The following NELL1 variants were observed in gnomAD, a reference collection of about 807,000 sequenced individuals.
NELL1 encodes the protein neural EGFL like 1, also known as protein kinase C-binding protein NELL1.
Under a neutral mutation model 107.4 loss-of-function variants are expected in NELL1, and 76 were observed. That is an observed-to-expected ratio of 0.71 (90% CI 0.59 to 0.86). NELL1 has a LOEUF of 0.86. NELL1 is among the 40% of genes least tolerant of loss of function. The pLI is 0.00. For synonymous variants in NELL1, 353 were observed against 341.2 expected, an observed-to-expected ratio of 1.03 and a Z score of -0.38; for missense variants, 1,024 against 1,005.5, an observed-to-expected ratio of 1.02 and a Z score of -0.25.
chr11:21,229,328 A>G lies in NELL1; in HGVS notation c.1427-4A>G, dbSNP rs1186397769. ...TTTCTCTTTTTCTCTCACCCTGGAA[A>G]CAGAACACGATGAATGTGGCAGCGG... On this transcript the variant is annotated splice_polypyrimidine_tract_variant and splice_region_variant and intron_variant, in intron 13 of 19. Transcript: ENST00000357134. 6 of 1,613,684 alleles carry G rather than the reference A, an allele frequency of 3.7e-6. No individual in the cohort carries two copies. Among genetic ancestry groups the G allele is most frequent in the Non-Finnish European group, 5.1e-6 (6 of 1,179,824 alleles).
At position 21,349,463 on chromosome 11, in the gene NELL1, G is replaced by A. The variant is rs180757388; in HGVS notation, c.1550-21390G>A. Among the ~76,000 whole-genome samples the A allele has an allele frequency of 7.9e-4, 120 of 152,202 alleles. 1 individual carries two copies. The highest frequency in any genetic ancestry group is 2.8e-3 in the African/African-American group (117 of 41,556). ...AAAAAAGACTTTGCTGAAAACCCCA[G>A]AAAATGGTTTTGAAAATTCATGGTG... On this transcript the variant is annotated intron_variant, in intron 14 of 19. Coordinates refer to ENST00000357134, the MANE Select transcript of NELL1 (RefSeq NM_006157.5).
intron 15 of NELL1, among the ~76,000 whole-genome samples, chr11:21,500,449 T>A (rs752552990): frequency 6.6e-6 from 1 of 152,120 alleles, no homozygotes; most frequent in African/African-American, 2.4e-5. Flanking sequence ...TAGCTCTCCG[T>A]GCAAGATGTG....
At chr11:21,529,173 A>C (rs1564943201) in intron 15 of NELL1, among the ~76,000 whole-genome samples, 1 of 152,146 alleles carries the variant, frequency 6.6e-6, no homozygotes, top group South Asian at 2.1e-4. Context: ...AGGCAGAAAA[A>C]TGTTGTACTA....
intron 15 of NELL1, among the ~76,000 whole-genome samples, chr11:21,484,989 G>C (rs537396381): frequency 6.6e-6 from 1 of 152,110 alleles, no homozygotes; most frequent in Non-Finnish European, 1.5e-5. Context: ...CAGGCTGGTT[G>C]GCCAGGACTG....
intron 2 of NELL1, among the ~76,000 whole-genome samples, chr11:20,731,081 G>T (rs1486407297): frequency 5.0e-4 from 23 of 46,290 alleles, no homozygotes; most frequent in Non-Finnish European, 5.4e-5. Flanking sequence ...TATGAGTCAG[G>T]ATTCTATGAT....
chr11:21,097,676 G>C (rs911613505), intron 12 of NELL1, among the ~76,000 whole-genome samples: 1 of 152,102 alleles, frequency 6.6e-6, no homozygotes, highest in Non-Finnish European at 1.5e-5. Flanking sequence ...GCAACTAGGG[G>C]CAAGGAAGAA....
chr11:21,330,365 T>G (rs186380252), intron 14 of NELL1, among the ~76,000 whole-genome samples: 119 of 152,236 alleles, frequency 7.8e-4, no homozygotes, highest in Middle Eastern at 3.4e-3. Flanking sequence ...TGGGGGTCAG[T>G]TGGTTTTAGA....
chr11:21,438,161 C>A (rs1295241597), intron 15 of NELL1, among the ~76,000 whole-genome samples: 1 of 152,066 alleles, frequency 6.6e-6, no homozygotes, highest in African/African-American at 2.4e-5. Flanking sequence ...TAGTGCCACT[C>A]TATTGATAAT....
chr11:21,514,587 GT>G lies in NELL1; in HGVS notation c.1646-19779del, dbSNP rs1050982324. On this transcript the variant is annotated intron_variant, in intron 15 of 19. Coordinates refer to ENST00000357134, the MANE Select transcript of NELL1 (RefSeq NM_006157.5). ...AGGTTGCCAGATTAATCTCTTTTTTGTTTTTTTTAGAGATGCCAGGCATCCA... is the reference window on the plus strand; with the variant it reads ...AGGTTGCCAGATTAATCTCTTTTTTGTTTTTTTAGAGATGCCAGGCATCCA... Among the ~76,000 whole-genome samples, 4 of 151,940 alleles carry G rather than the reference GT, an allele frequency of 2.6e-5. No homozygotes were observed. In the East Asian group the frequency reaches 5.8e-4, roughly 22 times the overall value.
At chr11:20,844,484 A>G (rs912361037) in intron 3 of NELL1, among the ~76,000 whole-genome samples, 2 of 152,144 alleles carry the variant, frequency 1.3e-5, no homozygotes, top group Admixed American at 6.5e-5. Flanking sequence ...TTTATCATTT[A>G]TACAGCTGCC....
intron 12 of NELL1, among the ~76,000 whole-genome samples, chr11:21,029,501 G>A (rs750121781): frequency 9.2e-5 from 14 of 151,874 alleles, no homozygotes; most frequent in Non-Finnish European, 1.5e-4. Flanking sequence ...CACCACCACC[G>A]TCACCATCAC....
At chr11:21,042,682 G>C (rs1853264845) in intron 12 of NELL1, among the ~76,000 whole-genome samples, 2 of 152,206 alleles carry the variant, frequency 1.3e-5, no homozygotes, top group South Asian at 4.2e-4. Flanking sequence ...ATCTCTTGGT[G>C]GTGAGAGCCA....
intron 15 of NELL1, among the ~76,000 whole-genome samples, chr11:21,404,929 G>A (rs1051373927): frequency 5.3e-5 from 8 of 151,988 alleles, no homozygotes; most frequent in African/African-American, 1.9e-4. Flanking sequence ...ATTCACTTAG[G>A]GTGAGATACT....
intron 14 of NELL1, among the ~76,000 whole-genome samples, chr11:21,246,370 C>A (rs940884827): frequency 6.8e-6 from 1 of 146,044 alleles, no homozygotes; most frequent in African/African-American, 2.5e-5. Flanking sequence ...CATTAGCAAG[C>A]TTGGAGAATG....
At chr11:21,255,360 C>A (rs1292964751) in intron 14 of NELL1, among the ~76,000 whole-genome samples, 2 of 152,044 alleles carry the variant, frequency 1.3e-5, no homozygotes, top group African/African-American at 4.8e-5. Context: ...CCTTAAGAAA[C>A]CCCCAGGATA....
chr11:21,496,838 A>G (rs913230909), intron 15 of NELL1, among the ~76,000 whole-genome samples: 2 of 152,050 alleles, frequency 1.3e-5, no homozygotes, highest in African/African-American at 4.8e-5. Flanking sequence ...AAGCGTTCTC[A>G]TTGTTCAATT....
intron 12 of NELL1, among the ~76,000 whole-genome samples, chr11:20,997,073 C>A (rs761388612): frequency 2.5e-4 from 38 of 152,126 alleles, no homozygotes; most frequent in Non-Finnish European, 5.1e-4. Context: ...AAGAAAAAAA[C>A]AACACTGTAA....
At position 21,229,429 on chromosome 11, in the gene NELL1, C is replaced by G. The variant is rs770849459; in HGVS notation, c.1524C>G (p.Tyr508Ter). ...ACAGCTGCACCTGCAAACCGGGCTA[C>G]GTGGGGAACGGGACCATCTGCAGAG... ...QGHSCTCKPG[Y>*]VGNGTICRAF... is the part of the protein sequence containing the mutation. Residue 508 changes from tyrosine (Y) to a stop codon, truncating the protein, a stop_gained, in exon 14 of 20, where the codon TAC becomes TAG. Coordinates refer to ENST00000357134, the MANE Select transcript of NELL1 (RefSeq NM_006157.5). LOFTEE classifies it high-confidence loss of function. 4 of 1,613,922 alleles carry G rather than the reference C, an allele frequency of 2.5e-6. No individual in the cohort carries two copies. Among genetic ancestry groups the G allele is most frequent in the Non-Finnish European group, 3.4e-6 (4 of 1,179,874 alleles).
At chr11:21,525,737 G>A (rs1855836964) in intron 15 of NELL1, among the ~76,000 whole-genome samples, 1 of 152,154 alleles carries the variant, frequency 6.6e-6, no homozygotes, top group Non-Finnish European at 1.5e-5. Flanking sequence ...AGTCTCACAT[G>A]GTGGAGAGAA....
Sources: gnomAD v4.1 joint callset for allele counts (sites outside exome capture counted in the v4.1 genomes callset) on GRCh38, gnomAD v4.1.1 for gene constraint, MANE v1.5 for transcripts, NCBI Gene and HGNC (gene_info 2026-07-23, HGNC 2026-07-21) for gene names.